Variants in LDLRAD4 observed in about 807,000 individuals in gnomAD.
LDLRAD4 encodes low density lipoprotein receptor class A domain containing 4.
In LDLRAD4, 5 loss-of-function variants were observed where a neutral mutation model predicts 17.0. The ratio of observed to expected loss-of-function variants is 0.29; its 90% CI spans 0.15 to 0.62. The LOEUF (loss-of-function observed/expected upper bound fraction) is 0.62. Among genes scored for constraint, LDLRAD4 ranks in the 20% least tolerant of loss-of-function variants. The probability of loss-of-function intolerance (pLI) is 0.84; values close to 1 mark genes in which losing one functional copy is unlikely to be tolerated. For missense variants in LDLRAD4, 340 were observed against 424.7 expected, an observed-to-expected ratio of 0.80 and a Z score of 1.75; for synonymous variants, 168 against 171.8, an observed-to-expected ratio of 0.98 and a Z score of 0.17.
intron 1 of LDLRAD4, among the ~76,000 whole-genome samples, chr18:13,224,663 G>A (rs1300103574): frequency 1.3e-5 from 2 of 151,300 alleles, no homozygotes; most frequent in Admixed American, 6.6e-5. Flanking sequence ...CATATTTTTA[G>A]TAGAGACGGG....
At chr18:13,516,210 CT>C (rs1339675579) in intron 3 of LDLRAD4, 4 of 152,296 alleles carry the variant, frequency 2.6e-5, no homozygotes, top group Non-Finnish European at 5.9e-5. Context: ...ACATATCCCC[CT>C]CTTCCCTACA....
rs374731826 is a variant in LDLRAD4 at position 13,473,678 on chromosome 18, T to TATATATATATATATATATATAA, written c.181+35295_181+35296insTATATATATATATATATATAAA. On this transcript the variant is annotated intron_variant, in intron 3 of 5. Transcript: ENST00000359446. ...ATATATATATATATATATATATATA[T>TATATATATATATATATATATAA]AACGTTTACATTTTATATATATTTA... is the stretch of plus-strand genomic sequence containing the variant. 7.5e-5 allele frequency among the ~76,000 whole-genome samples: 6 copies of TATATATATATATATATATATAA among 79,952 alleles called. 1 individual carries two copies. Among genetic ancestry groups the TATATATATATATATATATATAA allele is most frequent in the African/African-American group, 2.1e-4 (4 of 18,966 alleles). The allele number at this position is 79,952 out of a possible 152,430, so 52.5% of individuals were successfully genotyped here. A position where few individuals can be genotyped will look rare whatever the true frequency, so the allele number is the denominator to read the frequency against.
At chr18:13,494,205 A>G (rs559473195) in intron 3 of LDLRAD4, among the ~76,000 whole-genome samples, 2 of 152,168 alleles carry the variant, frequency 1.3e-5, no homozygotes, top group Non-Finnish European at 2.9e-5. Flanking sequence ...CTGTATCCCA[A>G]CCTGCTGTCT....
intron 1 of LDLRAD4, among the ~76,000 whole-genome samples, chr18:13,292,053 T>C (rs2045993048): frequency 6.6e-6 from 1 of 152,246 alleles, no homozygotes; most frequent in South Asian, 2.1e-4. Context: ...GCATTTGCTG[T>C]GTGCCCTTCA....
chr18:13,416,892 C>T (rs2088950167), intron 2 of LDLRAD4, among the ~76,000 whole-genome samples: 1 of 152,162 alleles, frequency 6.6e-6, no homozygotes, highest in South Asian at 2.1e-4. Context: ...ATTCTTGGTG[C>T]TTTCTATTTA....
chr18:13,627,441 G>T (rs947779457), intron 4 of LDLRAD4, among the ~76,000 whole-genome samples: 2 of 152,126 alleles, frequency 1.3e-5, no homozygotes, highest in Non-Finnish European at 2.9e-5. Flanking sequence ...ACCCTTCAGT[G>T]CCGGGCAGCA....
At chr18:13,393,336 C>G (rs1260302920) in intron 2 of LDLRAD4, among the ~76,000 whole-genome samples, 1 of 152,176 alleles carries the variant, frequency 6.6e-6, no homozygotes, top group Non-Finnish European at 1.5e-5. Flanking sequence ...TAATATGGGG[C>G]TGTGCAGTAT....
chr18:13,361,428 A>G (rs1599671416), intron 1 of LDLRAD4, among the ~76,000 whole-genome samples: 1 of 152,276 alleles, frequency 6.6e-6, no homozygotes, highest in East Asian at 1.9e-4. Flanking sequence ...CTTTCCTTAT[A>G]CTATAAGCAT....
chr18:13,644,606 TA>T (rs2042904441), intron 5 of LDLRAD4, among the ~76,000 whole-genome samples: 1 of 151,054 alleles, frequency 6.6e-6, no homozygotes, highest in Non-Finnish European at 1.5e-5. Context: ...TAAATAAAAA[TA>T]AAAACTCGGA....
intron 1 of LDLRAD4, among the ~76,000 whole-genome samples, chr18:13,261,490 T>C (rs1242196214): frequency 6.6e-6 from 1 of 152,182 alleles, no homozygotes; most frequent in Non-Finnish European, 1.5e-5. Context: ...TTAGTTCAAG[T>C]TGTGAGCTGA....
chr18:13,650,094 T>C, exon 6 of LDLRAD4: 1 of 398,678 alleles, frequency 2.5e-6, no homozygotes, highest in Non-Finnish European at 4.4e-6. Flanking sequence ...CCGCTACAGA[T>C]CACAGAGATG....
chr18:13,539,625 T>C (rs8083769), intron 3 of LDLRAD4, among the ~76,000 whole-genome samples: 147,091 of 152,142 alleles, frequency 0.97, 71,128 homozygotes, highest in East Asian at 1. Context: ...TGTGCTTTCT[T>C]ATTTGCCCAA....
rs574728045 is a variant in LDLRAD4 at position 13,324,260 on chromosome 18, C to T, written c.-383+46072C>T. Among the ~76,000 whole-genome samples, 5 of 151,656 alleles carry T rather than the reference C, an allele frequency of 3.3e-5. 1 individual carries two copies. In the Middle Eastern group the frequency reaches 0.01, roughly 314 times the overall value. On this transcript the variant is annotated intron_variant, in intron 1 of 5. Transcript: ENST00000359446. ...TCACACCATTCTCCTGCCTCAGCCTCCCCAGTAGCTGGGACTACAGGTGCC... is the reference window on the plus strand; with the variant it reads ...TCACACCATTCTCCTGCCTCAGCCTTCCCAGTAGCTGGGACTACAGGTGCC...
chr18:13,564,503 T>C (rs2148253433), intron 3 of LDLRAD4, among the ~76,000 whole-genome samples: 2 of 151,278 alleles, frequency 1.3e-5, no homozygotes, highest in South Asian at 4.2e-4. Flanking sequence ...TCTGAGAACC[T>C]TTCCTCGCCT....
chr18:13,500,849 A>G (rs1600875364), intron 3 of LDLRAD4: 1 of 152,252 alleles, frequency 6.6e-6, no homozygotes, highest in East Asian at 1.9e-4. Flanking sequence ...CATCAAAAAT[A>G]TGGTGAAGCA....
At chr18:13,230,773 T>C (rs2145497482) in intron 1 of LDLRAD4, among the ~76,000 whole-genome samples, 1 of 152,316 alleles carries the variant, frequency 6.6e-6, no homozygotes, top group South Asian at 2.1e-4. Flanking sequence ...TTTCAGTTGT[T>C]GTGAACTCAA....
chr18:13,250,051 T>A (rs561385034), intron 1 of LDLRAD4, among the ~76,000 whole-genome samples: 1 of 152,340 alleles, frequency 6.6e-6, no homozygotes, highest in African/African-American at 2.4e-5. Context: ...TAGGTAAACG[T>A]GCCTAGCACT....
At chr18:13,560,495 C>T (rs2094529086) in intron 3 of LDLRAD4, among the ~76,000 whole-genome samples, 1 of 152,234 alleles carries the variant, frequency 6.6e-6, no homozygotes. Context: ...GCTGATGTCT[C>T]TTCCCATGGG....
intron 3 of LDLRAD4, among the ~76,000 whole-genome samples, chr18:13,495,970 G>T (rs1194874802): frequency 2.0e-5 from 3 of 152,124 alleles, no homozygotes; most frequent in African/African-American, 7.2e-5. Flanking sequence ...AGCTCCCCAG[G>T]CCCCTTCTAA....
Sources: gnomAD v4.1 joint callset for allele counts (sites outside exome capture counted in the v4.1 genomes callset) on GRCh38, gnomAD v4.1.1 for gene constraint, MANE v1.5 for transcripts, NCBI Gene and HGNC (gene_info 2026-07-23, HGNC 2026-07-21) for gene names.